MYO1D: variants seen among roughly 807,000 people sequenced by gnomAD.
The protein encoded by MYO1D is unconventional myosin-Id.
Under a neutral mutation model 122.0 loss-of-function variants are expected in MYO1D, and 83 were observed. The observed-to-expected ratio is 0.68, with a 90% CI of 0.57 to 0.82. The LOEUF is 0.82. Among genes scored for constraint, MYO1D ranks in the 40% least tolerant of loss-of-function variants. The pLI is 0.00. For synonymous variants in MYO1D, 464 were observed against 446.9 expected, an observed-to-expected ratio of 1.04 and a Z score of -0.48; for missense variants, 1,157 against 1,269.5, an observed-to-expected ratio of 0.91 and a Z score of 1.35.
intron 21 of MYO1D, among the ~76,000 whole-genome samples, chr17:32,522,010 G>A (rs55793561): frequency 0.057 from 8,498 of 149,212 alleles, 290 homozygotes; most frequent in Middle Eastern, 0.13. Context: ...TGAACCCAGC[G>A]GGCAGAAGTT....
chr17:32,710,412 T>G (rs576861827), intron 16 of MYO1D, among the ~76,000 whole-genome samples: 149 of 152,250 alleles, frequency 9.8e-4, no homozygotes, highest in Non-Finnish European at 1.8e-3. Flanking sequence ...AAAACTAGTT[T>G]CCTATATAAA....
At chr17:32,580,951 G>A (rs950064806) in intron 21 of MYO1D, among the ~76,000 whole-genome samples, 4 of 152,076 alleles carry the variant, frequency 2.6e-5, no homozygotes, top group Admixed American at 6.5e-5. Context: ...GGTATGAGGC[G>A]AAGGCTGGCC....
chr17:32,516,009 G>A (rs1192236872), intron 21 of MYO1D, among the ~76,000 whole-genome samples: 1 of 152,216 alleles, frequency 6.6e-6, no homozygotes, highest in Non-Finnish European at 1.5e-5. Flanking sequence ...TGCTGGTAAT[G>A]ACAGAGGCAA....
intron 15 of MYO1D, among the ~76,000 whole-genome samples, chr17:32,716,343 T>A (rs1256520029): frequency 6.6e-6 from 1 of 152,210 alleles, no homozygotes; most frequent in Non-Finnish European, 1.5e-5. Context: ...TTATCACAAC[T>A]TGTAATCATA....
chr17:32,522,818 C>CT (rs35925304), intron 21 of MYO1D, among the ~76,000 whole-genome samples: 48 of 131,370 alleles, frequency 3.7e-4, no homozygotes, highest in East Asian at 1.1e-3. Flanking sequence ...TCCCCCATGT[C>CT]TTTTTTTTTT....
At chr17:32,565,974 C>T (rs764681071) in intron 21 of MYO1D, among the ~76,000 whole-genome samples, 3 of 152,188 alleles carry the variant, frequency 2.0e-5, no homozygotes, top group Non-Finnish European at 2.9e-5. Flanking sequence ...ATCCACCCAC[C>T]TCAGCCTCCC....
intron 14 of MYO1D, among the ~76,000 whole-genome samples, chr17:32,735,853 C>T (rs1598051520): frequency 6.6e-6 from 1 of 151,984 alleles, no homozygotes; most frequent in East Asian, 1.9e-4. Context: ...ATGAATGTTG[C>T]TTTTAACCGT....
At chr17:32,568,579 T>C (rs2150894347) in intron 21 of MYO1D, among the ~76,000 whole-genome samples, 1 of 152,310 alleles carries the variant, frequency 6.6e-6, no homozygotes, top group South Asian at 2.1e-4. Context: ...TCTGGGACAC[T>C]CTTGAGAGTT....
At chr17:32,816,982 T>A (rs529302750) in intron 1 of MYO1D, among the ~76,000 whole-genome samples, 1 of 152,110 alleles carries the variant, frequency 6.6e-6, no homozygotes, top group Admixed American at 6.5e-5. Context: ...GGAAAAATTA[T>A]GTAACTTAGG....
At chr17:32,771,090 T>G (rs750899171) in intron 6 of MYO1D, 35 bp downstream of exon 6, 3 of 1,488,686 alleles carry the variant, frequency 2.0e-6, no homozygotes, top group Non-Finnish European at 2.8e-6. Flanking sequence ...TTGACTGATT[T>G]TCTATTGGAG....
chr17:32,679,740 C>A (rs546820334), intron 16 of MYO1D, among the ~76,000 whole-genome samples: 1 of 151,958 alleles, frequency 6.6e-6, no homozygotes, highest in African/African-American at 2.4e-5. Context: ...CTTGGCAGTG[C>A]GGGGTCTTTT....
chr17:32,722,229 T>A (rs2089520399), intron 14 of MYO1D, among the ~76,000 whole-genome samples: 1 of 152,164 alleles, frequency 6.6e-6, no homozygotes, highest in South Asian at 2.1e-4. Flanking sequence ...TTTTTTGCCT[T>A]TTTCTAGGCC....
chr17:32,665,733 G>C (rs2088627359), intron 16 of MYO1D, among the ~76,000 whole-genome samples: 1 of 152,106 alleles, frequency 6.6e-6, no homozygotes, highest in South Asian at 2.1e-4. Flanking sequence ...AGGGATCGTT[G>C]GCCCTCCACT....
At chr17:32,720,985 C>T (rs1390838526) in intron 15 of MYO1D, 38 bp downstream of exon 15, 1 of 1,587,062 alleles carries the variant, frequency 6.3e-7, no homozygotes, top group Non-Finnish European at 8.6e-7. Flanking sequence ...CTCCCTTATT[C>T]TCAGTGAACT....
At chr17:32,827,603 C>T (rs1598134443) in intron 1 of MYO1D, among the ~76,000 whole-genome samples, 13 of 152,180 alleles carry the variant, frequency 8.5e-5, no homozygotes, top group South Asian at 4.2e-4. Context: ...AATTAATAAG[C>T]ATTTTGTAAA....
In MYO1D at chr17:32,696,699, TGGCTGTTTGCTATGCAGGGCAA is replaced by T. The variant is rs527265156; in HGVS notation, c.2121+15267_2121+15288del. ...TGTGTTTGCTTGCTAGTTACCCATT[TGGCTGTTTGCTATGCAGGGCAA>T]GCACTTTCCTGTGATATGGAAAGGC... is the stretch of plus-strand genomic sequence containing the variant. On this transcript the variant is annotated intron_variant, in intron 16 of 21. Coordinates refer to ENST00000318217, the MANE Select transcript of MYO1D (RefSeq NM_015194.3). Among the ~76,000 whole-genome samples, 12 of 152,384 alleles carry T rather than the reference TGGCTGTTTGCTATGCAGGGCAA, an allele frequency of 7.9e-5. No individual in the cohort carries two copies. In the South Asian group the frequency reaches 2.1e-3, roughly 26 times the overall value.
At chr17:32,713,540 G>C (rs186156274) in intron 15 of MYO1D, among the ~76,000 whole-genome samples, 1 of 152,182 alleles carries the variant, frequency 6.6e-6, no homozygotes, top group Admixed American at 6.5e-5. Flanking sequence ...AAGTTTTACA[G>C]TTCCAGGCAA....
chr17:32,706,125 G>A (rs2089305715), intron 16 of MYO1D, among the ~76,000 whole-genome samples: 1 of 151,954 alleles, frequency 6.6e-6, no homozygotes, highest in Non-Finnish European at 1.5e-5. Context: ...CTAATTTTTT[G>A]GAGACAGAGT....
chr17:32,807,329 C>A (rs149535612), intron 1 of MYO1D, among the ~76,000 whole-genome samples: 27 of 152,076 alleles, frequency 1.8e-4, no homozygotes, highest in Middle Eastern at 3.4e-3. Context: ...ATATATTCTT[C>A]CATAAAACTT....
Sources: gnomAD v4.1 joint callset for allele counts (sites outside exome capture counted in the v4.1 genomes callset) on GRCh38, gnomAD v4.1.1 for gene constraint, MANE v1.5 for transcripts, NCBI Gene and HGNC (gene_info 2026-07-23, HGNC 2026-07-21) for gene names.